RPH3A: variants seen among roughly 807,000 people sequenced by gnomAD.
The protein encoded by RPH3A is rabphilin-3A.
A neutral mutation model predicts 102.2 loss-of-function variants in RPH3A; 48 were observed. That is an observed-to-expected ratio of 0.47 (90% CI 0.37 to 0.60). The LOEUF (loss-of-function observed/expected upper bound fraction) is 0.60. Among genes scored for constraint, RPH3A ranks in the 20% least tolerant of loss-of-function variants. The probability of loss-of-function intolerance (pLI) is 0.00; values close to 1 mark genes in which losing one functional copy is unlikely to be tolerated. For missense variants in RPH3A, 781 were observed against 910.1 expected (o/e 0.86, Z 1.83); for synonymous variants, 310 against 324.3 (o/e 0.96, Z 0.47).
intron 5 of RPH3A, among the ~76,000 whole-genome samples, chr12:112,854,138 G>T (rs1362651617): frequency 6.6e-5 from 10 of 152,162 alleles, no homozygotes; most frequent in Non-Finnish European, 1.5e-4. Context: ...ATTGTCAACT[G>T]TTCAGCAGCA....
intron 7 of RPH3A, 50 bp downstream of exon 7, chr12:112,866,890 C>A: frequency 1.4e-6 from 2 of 1,460,530 alleles, no homozygotes; most frequent in Non-Finnish European, 1.9e-6. Flanking sequence ...CTTTCTTGGC[C>A]AGCTTAAGAG....
intron 2 of RPH3A, among the ~76,000 whole-genome samples, chr12:112,806,702 C>A (rs1337794412): frequency 6.6e-6 from 1 of 151,708 alleles, no homozygotes; most frequent in Non-Finnish European, 1.5e-5. Context: ...GGGAGAAATC[C>A]TCATCTTCTA....
intron 1 of RPH3A, among the ~76,000 whole-genome samples, chr12:112,724,772 C>A (rs1164168768): frequency 6.6e-6 from 1 of 152,080 alleles, no homozygotes; most frequent in Non-Finnish European, 1.5e-5. Context: ...AGTTCAAGAC[C>A]AGCCTGGACA....
At chr12:112,629,335 A>G (rs2039787532) in intron 1 of RPH3A, among the ~76,000 whole-genome samples, 1 of 150,970 alleles carries the variant, frequency 6.6e-6, no homozygotes, top group Non-Finnish European at 1.5e-5. Context: ...CAAAACAAGA[A>G]AAAGCTTGCT....
Position 112,661,424 on chromosome 12 carries a change from A to G in RPH3A, c.-140+86105A>G, listed in dbSNP as rs537613457. On this transcript the variant is annotated intron_variant, in intron 1 of 21. Transcript: ENST00000543106. ...AACTACAGCCCCTGCTTTCTTAGGC[A>G]GGTGTGTGGATTCTGTGGAGGAAAT... is the stretch of plus-strand genomic sequence containing the variant. Among the ~76,000 whole-genome samples the G allele has an allele frequency of 2.0e-5, 3 of 152,318 alleles. No individual in the cohort carries two copies. The East Asian group carries it at 5.8e-4, about 29-fold the overall frequency.
chr12:112,648,753 A>AAG lies in RPH3A; in HGVS notation c.-140+73435_-140+73436insGA, dbSNP rs1555280640. 1.0e-3 allele frequency among the ~76,000 whole-genome samples: 142 copies of AAG among 141,824 alleles called. 1 individual carries two copies. The highest frequency in any genetic ancestry group is 1.7e-3 in the East Asian group (8 of 4,826). The allele number at this position is 141,824 out of a possible 152,430, so 93.0% of individuals were successfully genotyped here. A position where few individuals can be genotyped will look rare whatever the true frequency, so the allele number is the denominator to read the frequency against. ...GAGCAAGACACGGTCTCAAAAAAAA[A>AAG]AAAAAAAAAAAAATGGAAATTACTG... is the stretch of plus-strand genomic sequence containing the variant. On this transcript the variant is annotated intron_variant, in intron 1 of 21. Coordinates refer to the RPH3A transcript ENST00000543106.
At chr12:112,609,518 C>T (rs1447334858) in intron 1 of RPH3A, among the ~76,000 whole-genome samples, 1 of 152,136 alleles carries the variant, frequency 6.6e-6, no homozygotes, top group East Asian at 1.9e-4. Flanking sequence ...GTTTGGTTTG[C>T]CTTCACCAAG....
At chr12:112,792,626 A>T (rs542778873) in intron 2 of RPH3A, among the ~76,000 whole-genome samples, 18 of 152,140 alleles carry the variant, frequency 1.2e-4, no homozygotes, top group African/African-American at 4.1e-4. Context: ...GCATGGAGGG[A>T]CTCTGGGTAC....
chr12:112,808,193 G>GA, intron 2 of RPH3A, among the ~76,000 whole-genome samples: 1 of 152,334 alleles, frequency 6.6e-6, no homozygotes, highest in South Asian at 2.1e-4. Flanking sequence ...CCTTAGAAGG[G>GA]ATGCAGGATG....
At chr12:112,780,021 C>A (rs572406960) in intron 1 of RPH3A, among the ~76,000 whole-genome samples, 1 of 152,300 alleles carries the variant, frequency 6.6e-6, no homozygotes, top group African/African-American at 2.4e-5. Context: ...TGGCCTGGAA[C>A]AGATTCGTCC....
chr12:112,645,698 A>G (rs2039924197), intron 1 of RPH3A, among the ~76,000 whole-genome samples: 1 of 152,072 alleles, frequency 6.6e-6, no homozygotes, highest in South Asian at 2.1e-4. Flanking sequence ...ATTTCATAGG[A>G]TGTCTCTTAA....
chr12:112,891,290 C>T, intron 19 of RPH3A: 1 of 381,128 alleles, frequency 2.6e-6, no homozygotes, highest in South Asian at 3.8e-5. Flanking sequence ...TTATAGTAGC[C>T]CCATTTGTAC....
intron 1 of RPH3A, among the ~76,000 whole-genome samples, chr12:112,594,516 A>G (rs562311759): frequency 1.2e-3 from 184 of 152,176 alleles, no homozygotes; most frequent in Admixed American, 2.1e-3. Context: ...CCCTCCATTT[A>G]TTCATTCGAG....
intron 4 of RPH3A, among the ~76,000 whole-genome samples, chr12:112,845,640 G>A (rs1479888393): frequency 6.6e-6 from 1 of 152,118 alleles, no homozygotes; most frequent in Non-Finnish European, 1.5e-5. Context: ...GTATAATTAG[G>A]CATTTAACAT....
intron 1 of RPH3A, among the ~76,000 whole-genome samples, chr12:112,627,507 G>A (rs902835755): frequency 1.3e-5 from 2 of 150,980 alleles, no homozygotes; most frequent in Non-Finnish European, 2.9e-5. Flanking sequence ...GTTATATATT[G>A]TGTCAATACT....
At chr12:112,641,999 A>G (rs1363423732) in intron 1 of RPH3A, among the ~76,000 whole-genome samples, 1 of 152,182 alleles carries the variant, frequency 6.6e-6, no homozygotes, top group Non-Finnish European at 1.5e-5. Context: ...TTACACAGCT[A>G]GTTAAGTGAT....
At chr12:112,863,635 G>T (rs914455852) in intron 5 of RPH3A, among the ~76,000 whole-genome samples, 1 of 152,146 alleles carries the variant, frequency 6.6e-6, no homozygotes, top group African/African-American at 2.4e-5. Context: ...TCTAGTTTTG[G>T]CTCTGCCACT....
At chr12:112,697,773 A>G (rs2384050) in intron 1 of RPH3A, among the ~76,000 whole-genome samples, 61,739 of 151,944 alleles carry the variant, frequency 0.41, 13,003 homozygotes, top group South Asian at 0.57. Context: ...GCTGAGGCAT[A>G]AGAATCGCTT....
At chr12:112,856,235 G>A (rs1274260569) in intron 5 of RPH3A, among the ~76,000 whole-genome samples, 2 of 152,172 alleles carry the variant, frequency 1.3e-5, no homozygotes, top group Admixed American at 6.5e-5. Flanking sequence ...CCTTTTCCTC[G>A]ACACGCATCA....
Sources: allele counts gnomAD v4.1 joint callset (sites outside exome capture counted in the v4.1 genomes callset), GRCh38; gene constraint gnomAD v4.1.1; transcripts MANE v1.5; gene names NCBI Gene and HGNC (gene_info 2026-07-23, HGNC 2026-07-21).